Variants in KATNA1 observed in about 807,000 individuals in gnomAD.
The protein encoded by KATNA1 is katanin catalytic subunit A1, also known as katanin p60 ATPase-containing subunit A1.
KATNA1 carries 42 observed loss-of-function variants against 62.6 expected under a neutral mutation model. The ratio of observed to expected loss-of-function variants is 0.67; its 90% CI spans 0.52 to 0.87. The LOEUF (loss-of-function observed/expected upper bound fraction) is 0.87. Ranked by LOEUF, KATNA1 falls within the 40% of genes least tolerant of loss-of-function variation. The pLI is 0.00. For synonymous variants in KATNA1, 186 were observed against 201.9 expected (o/e 0.92, Z 0.67); for missense variants, 498 against 612.5 (o/e 0.81, Z 1.97).
At chr6:149,637,357 G>A (rs965356663) in intron 2 of KATNA1, among the ~76,000 whole-genome samples, 1 of 152,158 alleles carries the variant, frequency 6.6e-6, no homozygotes, top group Admixed American at 6.6e-5. Context: ...GGTCAAGGCT[G>A]TAGAGACTGC....
chr6:149,640,305 A>G (rs1308497803), intron 1 of KATNA1, among the ~76,000 whole-genome samples: 2 of 152,040 alleles, frequency 1.3e-5, no homozygotes, highest in Admixed American at 1.3e-4. Context: ...AAAAATACAA[A>G]AATTAGCAGA....
chr6:149,602,383 C>CAT (rs914776331), intron 6 of KATNA1, among the ~76,000 whole-genome samples: 55 of 151,738 alleles, frequency 3.6e-4, no homozygotes, highest in East Asian at 1.5e-3. Context: ...AAACAAAATA[C>CAT]ATATATATAT....
In KATNA1 at chr6:149,647,883, A is replaced by G. The variant is rs186924822; in HGVS notation, c.-14+586T>C. The stretch of plus-strand genomic sequence containing the variant: ...TAAGAGCTTGAGATTATCCACTGTA[A>G]GGCACTTCAGGATCTACGTTTATCT... On this transcript the variant is annotated intron_variant, in intron 1 of 10. Transcript: ENST00000367411. 2.6e-5 allele frequency among the ~76,000 whole-genome samples: 4 copies of G among 152,328 alleles called. No individual in the cohort carries two copies. In the East Asian group the frequency reaches 7.7e-4, roughly 29 times the overall value.
intron 6 of KATNA1, 111 bp from the exon 7 acceptor site, chr6:149,601,863 CAAAT>C (rs1257245383): frequency 3.7e-5 from 25 of 675,612 alleles, no homozygotes; most frequent in Non-Finnish European, 5.6e-5. Context: ...AATATCAAGA[CAAAT>C]AAAAGACAAA....
At chr6:149,633,354 G>A (rs1221672110) in intron 2 of KATNA1, among the ~76,000 whole-genome samples, 7 of 151,970 alleles carry the variant, frequency 4.6e-5, no homozygotes, top group Non-Finnish European at 4.4e-5. Context: ...TGATCCACCC[G>A]CCTAGGCCTC....
In KATNA1 at chr6:149,595,294, C is replaced by A. The variant is rs998928920; in HGVS notation, c.1278-60G>T. Reference sequence around the variant, plus strand: ...CAATGTTACTTTGGTTAAATGAAAACCTGTTAATAGAAAAATTTTCAATTG... The same window carrying A: ...CAATGTTACTTTGGTTAAATGAAAAACTGTTAATAGAAAAATTTTCAATTG... On this transcript the variant is annotated intron_variant, in intron 10 of 10. Coordinates refer to ENST00000367411, the MANE Select transcript of KATNA1 (RefSeq NM_007044.4). 64 of 1,400,318 alleles carry A rather than the reference C, an allele frequency of 4.6e-5. 1 individual carries two copies. The highest frequency in any genetic ancestry group is 3.9e-4 in the Admixed American group (19 of 48,276). The allele number at this position is 1,400,318 out of a possible 1,614,324, so 86.7% of individuals were successfully genotyped here.
chr6:149,646,248 C>A (rs533640098), intron 1 of KATNA1, among the ~76,000 whole-genome samples: 2 of 152,034 alleles, frequency 1.3e-5, no homozygotes, highest in African/African-American at 4.8e-5. Flanking sequence ...GGTGGGTTTT[C>A]TTTGCTTAGT....
intron 3 of KATNA1, among the ~76,000 whole-genome samples, chr6:149,630,973 A>G (rs1779809814): frequency 6.6e-6 from 1 of 152,226 alleles, no homozygotes; most frequent in Non-Finnish European, 1.5e-5. Flanking sequence ...ACCCAACCTT[A>G]TTGTACCTCA....
At chr6:149,635,394 C>T (rs1341575454) in intron 2 of KATNA1, among the ~76,000 whole-genome samples, 3 of 152,190 alleles carry the variant, frequency 2.0e-5, no homozygotes, top group African/African-American at 7.2e-5. Flanking sequence ...GTATTTAATG[C>T]CACTGAACTG....
At chr6:149,640,081 T>A (rs946372661) in intron 1 of KATNA1, among the ~76,000 whole-genome samples, 5 of 152,236 alleles carry the variant, frequency 3.3e-5, no homozygotes, top group African/African-American at 1.2e-4. Flanking sequence ...TTTTAATATC[T>A]GTGGAACTGC....
chr6:149,640,218 T>C (rs148765337), intron 1 of KATNA1, among the ~76,000 whole-genome samples: 22 of 152,280 alleles, frequency 1.4e-4, no homozygotes, highest in Admixed American at 9.8e-4. Context: ...ACTTTCTATA[T>C]ATGAGAACCT....
At chr6:149,630,404 G>A (rs1048569670) in intron 3 of KATNA1, among the ~76,000 whole-genome samples, 4 of 152,192 alleles carry the variant, frequency 2.6e-5, no homozygotes, top group South Asian at 2.1e-4. Flanking sequence ...CAAGGCGAGT[G>A]GATCACCTGA....
At chr6:149,600,701 T>C (rs570132672) in intron 7 of KATNA1, among the ~76,000 whole-genome samples, 2 of 147,396 alleles carry the variant, frequency 1.4e-5, no homozygotes, top group African/African-American at 2.5e-5. Context: ...TTTGGGAGTC[T>C]GAAGCAAGAG....
At chr6:149,609,435 C>G (rs1778862018) in intron 4 of KATNA1, among the ~76,000 whole-genome samples, 1 of 151,934 alleles carries the variant, frequency 6.6e-6, no homozygotes, top group Non-Finnish European at 1.5e-5. Flanking sequence ...CGCCTATAAT[C>G]TTAGCACTTT....
In KATNA1 at chr6:149,594,929, T is replaced by A. The variant is rs1778238141; in HGVS notation, c.*107A>T. On this transcript the variant is annotated 3_prime_UTR_variant, in exon 11 of 11. Coordinates refer to ENST00000367411, the MANE Select transcript of KATNA1 (RefSeq NM_007044.4). ...AATCATAAGGGTTTTTTTAAAAAAA[T>A]CTTACCATTATGAAAGTTAAAAAAA... is the stretch of plus-strand genomic sequence containing the variant. 1 of 848,038 alleles carries A rather than the reference T, an allele frequency of 1.2e-6. No individual in the cohort carries two copies. The highest frequency in any genetic ancestry group is 1.7e-5 in the African/African-American group (1 of 57,908). 52.5% of individuals were successfully genotyped at this position (848,038 alleles called of 1,614,324 possible).
chr6:149,631,670 A>T (rs913434033), intron 3 of KATNA1: 1 of 152,200 alleles, frequency 6.6e-6, no homozygotes, highest in Non-Finnish European at 1.5e-5. Flanking sequence ...CGGGCAATGA[A>T]CCTGGGAAGT....
At position 149,638,500 on chromosome 6, in the gene KATNA1, A is replaced by T; in HGVS notation, c.48T>A (p.Tyr16Ter). 1 of 1,613,856 alleles carries T rather than the reference A, an allele frequency of 6.2e-7. No individual in the cohort carries two copies. Among genetic ancestry groups the T allele is most frequent in the Non-Finnish European group, 8.5e-7 (1 of 1,179,832 alleles). The change falls in exon 2 of 11, where the codon TAT (tyrosine) becomes TAA (stop). Residue 16 changes from tyrosine to a stop codon, truncating the protein, a stop_gained. Coordinates refer to ENST00000367411, the MANE Select transcript of KATNA1 (RefSeq NM_007044.4). LOFTEE classifies it high-confidence loss of function. ...ISENVKLARE[Y>*]ALLGNYDSAM... ...CAGAGTCATAGTTTCCCAGCAATGC[A>T]TATTCACGAGCCAATTTTACATTCT... is the stretch of plus-strand genomic sequence containing the variant.
intron 3 of KATNA1, among the ~76,000 whole-genome samples, chr6:149,626,421 A>C (rs1455758542): frequency 1.4e-5 from 2 of 144,234 alleles, no homozygotes; most frequent in African/African-American, 5.2e-5. Context: ...CAGCCTCCCG[A>C]GTAGCTGGGA....
At chr6:149,627,015 C>T (rs965241771) in intron 3 of KATNA1, among the ~76,000 whole-genome samples, 3 of 151,640 alleles carry the variant, frequency 2.0e-5, no homozygotes, top group Non-Finnish European at 4.4e-5. Context: ...CAACAACAAC[C>T]CTTACTGTCA....
Sources: allele counts gnomAD v4.1 joint callset (sites outside exome capture counted in the v4.1 genomes callset), GRCh38; gene constraint gnomAD v4.1.1; transcripts MANE v1.5; gene names NCBI Gene and HGNC (gene_info 2026-07-23, HGNC 2026-07-21).